Variants in ZBTB41 observed in about 807,000 individuals in gnomAD.
The protein encoded by ZBTB41 is zinc finger and BTB domain-containing protein 41.
In ZBTB41, 42 loss-of-function variants were observed where a neutral mutation model predicts 87.6. The observed-to-expected ratio is 0.48, with a 90% CI of 0.37 to 0.62. The LOEUF is 0.62. Among genes scored for constraint, ZBTB41 ranks in the 20% least tolerant of loss-of-function variants. The probability of loss-of-function intolerance (pLI) is 0.00; values close to 1 mark genes in which losing one functional copy is unlikely to be tolerated. For missense variants in ZBTB41, 799 were observed against 1,078.9 expected (o/e 0.74, Z 3.63); for synonymous variants, 364 against 364.0 (o/e 1.00, Z 0.00).
intron 4 of ZBTB41, 101 bp downstream of exon 4, chr1:197,190,661 A>T: frequency 3.1e-6 from 2 of 649,972 alleles, no homozygotes; most frequent in Non-Finnish European, 5.2e-6. Context: ...TAAAAGTGAG[A>T]TAAGCTAAGT....
At chr1:197,188,543 T>C in intron 4 of ZBTB41, 104 bp from the exon 5 acceptor site, 1 of 1,125,728 alleles carries the variant, frequency 8.9e-7, no homozygotes, top group African/African-American at 1.6e-5. Context: ...AAGAGACTTT[T>C]CTCCCAACAG....
intron 10 of ZBTB41, among the ~76,000 whole-genome samples, chr1:197,164,269 T>C (rs1253229072): frequency 6.6e-6 from 1 of 151,602 alleles, no homozygotes; most frequent in Admixed American, 6.6e-5. Flanking sequence ...AAAAACATAA[T>C]GAAAGAACAC....
intron 4 of ZBTB41, among the ~76,000 whole-genome samples, chr1:197,190,412 GAT>G (rs1466181599): frequency 2.0e-5 from 3 of 152,180 alleles, no homozygotes; most frequent in Admixed American, 2.0e-4. Flanking sequence ...ACTAAGTTTT[GAT>G]ATAGTTTATT....
chr1:197,191,911 G>A lies in ZBTB41; in HGVS notation c.1121-12C>T, dbSNP rs762628425. The A allele has an allele frequency of 6.8e-5, 106 of 1,551,652 alleles. No homozygotes were observed. In the African/African-American group the frequency reaches 1.4e-3, roughly 20 times the overall value. On this transcript the variant is annotated splice_polypyrimidine_tract_variant and intron_variant, in intron 2 of 10. Transcript: ENST00000367405. ...GCTCTCATATTTTCCTATAAAAAAAGAAAAATTAAAATTAAATTTAGTACA... is the reference window on the plus strand; with the variant it reads ...GCTCTCATATTTTCCTATAAAAAAAAAAAAATTAAAATTAAATTTAGTACA...
chr1:197,165,939 T>TG (rs1237574501), intron 10 of ZBTB41, among the ~76,000 whole-genome samples: 4 of 149,906 alleles, frequency 2.7e-5, no homozygotes, highest in Non-Finnish European at 5.9e-5. Context: ...GTGCAGCCCA[T>TG]GGGGGGCGAG....
chr1:197,161,833 G>A (rs1187924766), intron 10 of ZBTB41, among the ~76,000 whole-genome samples: 3 of 151,722 alleles, frequency 2.0e-5, no homozygotes, highest in African/African-American at 7.3e-5. Flanking sequence ...GTCATGCAAT[G>A]AGCATTCTAT....
rs1652742930 is a variant in ZBTB41 at position 197,200,773 on chromosome 1, C to T, written c.-117-183G>A. Among the ~76,000 whole-genome samples, 3 of 152,232 alleles carry T rather than the reference C, an allele frequency of 2.0e-5. No homozygotes were observed. The South Asian group carries it at 6.2e-4, about 32-fold the overall frequency. Reference sequence around the variant, plus strand: ...GGAGGGCCGGGTTTAGAAAAGGCAGCCAACAAAAGAATAATTTTAAAGGAA... The same window carrying T: ...GGAGGGCCGGGTTTAGAAAAGGCAGTCAACAAAAGAATAATTTTAAAGGAA... On this transcript the variant is annotated intron_variant, in intron 1 of 10. Transcript: ENST00000367405.
intron 10 of ZBTB41, among the ~76,000 whole-genome samples, chr1:197,163,710 C>T (rs1659251823): frequency 1.3e-5 from 2 of 151,568 alleles, no homozygotes; most frequent in Admixed American, 1.3e-4. Context: ...AAACCAAAAA[C>T]AGAAAAATCT....
rs1169793629 is a variant in ZBTB41, at chr1:197,154,513, ACAAAAACCTTCTTTTT to A, written c.*4830_*4845del. On this transcript the variant is annotated 3_prime_UTR_variant, in exon 11 of 11. Coordinates refer to ENST00000367405, the MANE Select transcript of ZBTB41 (RefSeq NM_194314.3). Reference sequence around the variant, plus strand: ...TAAACAAAACATAAGCACTCTCTCTACAAAAACCTTCTTTTTCTCATCTTCCACACATCTTAATCCT... The same window carrying A: ...TAAACAAAACATAAGCACTCTCTCTACTCATCTTCCACACATCTTAATCCT... 1 of 152,114 alleles carries A rather than the reference ACAAAAACCTTCTTTTT, an allele frequency of 6.6e-6. No homozygotes were observed. Among genetic ancestry groups the A allele is most frequent in the Admixed American group, 6.5e-5 (1 of 15,274 alleles). The allele number at this position is 152,114 out of a possible 1,614,324, so 9.4% of individuals were successfully genotyped here. A position where few individuals can be genotyped will look rare whatever the true frequency, so the allele number is the denominator to read the frequency against.
intron 8 of ZBTB41, among the ~76,000 whole-genome samples, chr1:197,175,723 G>T (rs1296615073): frequency 6.6e-6 from 1 of 151,454 alleles, no homozygotes; most frequent in Non-Finnish European, 1.5e-5. Context: ...TGCAATTAAA[G>T]CATGTGGCCT....
intron 10 of ZBTB41, among the ~76,000 whole-genome samples, chr1:197,168,288 C>T (rs1045083321): frequency 3.3e-5 from 5 of 151,728 alleles, no homozygotes; most frequent in African/African-American, 4.8e-5. Context: ...CTGGATAATA[C>T]GATGTTATAA....
intron 5 of ZBTB41, among the ~76,000 whole-genome samples, chr1:197,181,965 T>C (rs1184814895): frequency 6.6e-6 from 1 of 152,194 alleles, no homozygotes; most frequent in Non-Finnish European, 1.5e-5. Context: ...TTTCATGGGA[T>C]CTAAATATTT....
At chr1:197,173,161 T>C (rs1468283253) in intron 9 of ZBTB41, among the ~76,000 whole-genome samples, 1 of 152,114 alleles carries the variant, frequency 6.6e-6, no homozygotes. Context: ...ATGGAATGAA[T>C]ACATGGCAAA....
Position 197,178,663 on chromosome 1 carries a change from A to C in ZBTB41, c.1677-151T>G, listed in dbSNP as rs142070858. On this transcript the variant is annotated intron_variant, in intron 6 of 10. Transcript: ENST00000367405. ...AATAATTTTGTTCTTTTCTATTCTC[A>C]CTAGTATACAAACATGCTTGTTATA... 1.0e-3 allele frequency: 508 copies of C among 504,558 alleles called. 2 individuals are homozygous for C. The highest frequency in any genetic ancestry group is 2.7e-3 in the Middle Eastern group (5 of 1,848). 31.3% of individuals were successfully genotyped at this position (504,558 alleles called of 1,614,324 possible). A position where few individuals can be genotyped will look rare whatever the true frequency, so the allele number is the denominator to read the frequency against.
In ZBTB41 at chr1:197,192,052, C is replaced by T. The variant is rs141298586; in HGVS notation, c.1121-153G>A. Among the ~76,000 whole-genome samples, 44 of 151,894 alleles carry T rather than the reference C, an allele frequency of 2.9e-4. No individual in the cohort carries two copies. The East Asian group carries it at 7.4e-3, about 25-fold the overall frequency. ...GAAAAAAGTTTACGTAAATTTCTAC[C>T]TCTGATAAACCTAATGACTTACTAT... On this transcript the variant is annotated intron_variant, in intron 2 of 10. Transcript: ENST00000367405.
chr1:197,200,170 G>C lies in ZBTB41; in HGVS notation c.304C>G (p.His102Asp). 1 of 1,613,908 alleles carries C rather than the reference G, an allele frequency of 6.2e-7. No individual in the cohort carries two copies. Among genetic ancestry groups the C allele is most frequent in the Non-Finnish European group, 8.5e-7 (1 of 1,179,996 alleles). The change falls in exon 2 of 11, where the codon CAT becomes GAT. Residue 102 changes from histidine to aspartate, a missense_variant. This residue lies in a region of ZBTB41 where 59 missense variants were observed against 120.1 expected (regional missense o/e 0.49). Transcript: ENST00000367405. Reference protein sequence around the residue: ...IIVEGKEFSAHKVVVAVGSSY... With the variant: ...IIVEGKEFSADKVVVAVGSSY... ...CTGCCGACAGCAACGACTACTTTAT[G>C]TGCACTAAATTCTTTTCCTTCCACT...
In ZBTB41 at chr1:197,190,415, A is replaced by G. The variant is rs555354094; in HGVS notation, c.1398+347T>C. Reference sequence around the variant, plus strand: ...TTATTTAAGGCCACTAAGTTTTGATATAGTTTATTATGTTAACACCACATA... The same window carrying G: ...TTATTTAAGGCCACTAAGTTTTGATGTAGTTTATTATGTTAACACCACATA... On this transcript the variant is annotated intron_variant, in intron 4 of 10. Coordinates refer to ENST00000367405, the MANE Select transcript of ZBTB41 (RefSeq NM_194314.3). Among the ~76,000 whole-genome samples, 15 of 152,350 alleles carry G rather than the reference A, an allele frequency of 9.8e-5. No homozygotes were observed. The South Asian group carries it at 3.1e-3, about 32-fold the overall frequency.
chr1:197,159,596 G>A lies in ZBTB41; in HGVS notation c.2493C>T (p.Leu831=), dbSNP rs12128631. The A allele has an allele frequency of 0.19, 306,829 of 1,613,774 alleles. 39,622 individuals are homozygous for A. Among genetic ancestry groups the A allele is most frequent in the East Asian group, 0.69 (30,753 of 44,870 alleles). ...ACAGAATCTCATGAGAAGATGGTGG[G>A]AGTGTGGTAGTATGACGCACTAGGT... ...PSDLVRHTTT[L]PPSSHEILSP... The change falls in exon 11 of 11, where the codon CTC becomes CTT. Residue 831 remains leucine, a synonymous_variant. Transcript: ENST00000367405.
rs984621453 is a variant in ZBTB41, at chr1:197,161,049, C to T, written c.2075-1035G>A. On this transcript the variant is annotated intron_variant, in intron 10 of 10. Coordinates refer to ENST00000367405, the MANE Select transcript of ZBTB41 (RefSeq NM_194314.3). The stretch of plus-strand genomic sequence containing the variant: ...AATCTCAGTCCTGGTCCTACAACTC[C>T]AATAATTGATTCCTGTCAGTAACCT... Among the ~76,000 whole-genome samples the T allele has an allele frequency of 7.9e-5, 12 of 152,222 alleles. No homozygotes were observed. The South Asian group carries it at 2.1e-3, about 26-fold the overall frequency.
Sources: gnomAD v4.1 joint callset for allele counts (sites outside exome capture counted in the v4.1 genomes callset) on GRCh38, gnomAD v4.1.1 for gene constraint, gnomAD v4.1.1 regional missense constraint, MANE v1.5 for transcripts, NCBI Gene and HGNC (gene_info 2026-07-23, HGNC 2026-07-21) for gene names.